The following PARL variants were observed in gnomAD, a reference collection of about 807,000 sequenced individuals.
The protein encoded by PARL is presenilin associated rhomboid like.
A neutral mutation model predicts 51.6 loss-of-function variants in PARL; 44 were observed. That is an observed-to-expected ratio of 0.85 (90% CI 0.67 to 1.10). PARL has a LOEUF of 1.10. Among genes scored for constraint, PARL ranks in the 50% least tolerant of loss-of-function variants. PARL has a pLI of 0.00. For synonymous variants in PARL, 172 were observed against 164.0 expected (o/e 1.05, Z -0.37); for missense variants, 441 against 469.5 (o/e 0.94, Z 0.56).
Position 183,833,505 on chromosome 3 carries a change from C to G in PARL, c.1015G>C (p.Ala339Pro). The G allele has an allele frequency of 1.2e-6, 2 of 1,607,766 alleles. No homozygotes were observed. The highest frequency in any genetic ancestry group is 1.7e-6 in the Non-Finnish European group (2 of 1,174,244). Residue 339 changes from alanine (A) to proline (P), a missense_variant, in exon 9 of 10, where the codon GCT (alanine) becomes CCT (proline). Ala to Pro is a conservative substitution (Grantham distance 27). Transcript: ENST00000317096. ...ACTCAAACTTACATTCCAAAAAGAG[C>G]TCCCCCAAGATGTGCCGCATGATCA... ...FFDHAAHLGG[A>P]LFGIWYVTYG...
downstream of PARL, chr3:183,826,552 G>A: frequency 1.0e-6 from 1 of 956,348 alleles, no homozygotes; most frequent in South Asian, 4.8e-5. Context: ...GCCTGGGAGG[G>A]GACTGCAGCA....
chr3:183,872,293 T>C (rs1434542942), intron 1 of PARL, among the ~76,000 whole-genome samples: 1 of 152,192 alleles, frequency 6.6e-6, no homozygotes, highest in Non-Finnish European at 1.5e-5. Flanking sequence ...TGTGCCACCA[T>C]GCCTGGCCTA....
At chr3:183,875,095 A>C (rs1296942151) in intron 1 of PARL, among the ~76,000 whole-genome samples, 1 of 152,124 alleles carries the variant, frequency 6.6e-6, no homozygotes, top group East Asian at 1.9e-4. Context: ...CTACTGAAGG[A>C]AATTTTAAGT....
At chr3:183,875,531 G>A (rs1382776218) in intron 1 of PARL, among the ~76,000 whole-genome samples, 1 of 151,748 alleles carries the variant, frequency 6.6e-6, no homozygotes, top group African/African-American at 2.4e-5. Flanking sequence ...TTAAGCCACA[G>A]CCAATCTAGA....
chr3:183,881,267 C>T (rs1031561704), intron 1 of PARL, among the ~76,000 whole-genome samples: 3 of 151,656 alleles, frequency 2.0e-5, no homozygotes, highest in Non-Finnish European at 4.4e-5. Flanking sequence ...GATTACAGGC[C>T]CCTGCCACCG....
intron 1 of PARL, 40 bp downstream of exon 1, chr3:183,884,682 G>T: frequency 6.4e-7 from 1 of 1,571,356 alleles, no homozygotes; most frequent in Non-Finnish European, 8.6e-7. Flanking sequence ...CAGAGCTCAG[G>T]GACCAAGAGG....
intron 3 of PARL, among the ~76,000 whole-genome samples, chr3:183,864,905 T>G (rs992980120): frequency 1.1e-5 from 1 of 94,994 alleles, no homozygotes; most frequent in African/African-American, 6.0e-5. Flanking sequence ...CCATATTTCT[T>G]TTTTTTTTTT....
At position 183,867,849 on chromosome 3, in the gene PARL, C is replaced by CA. The variant is rs1037626320; in HGVS notation, c.321+15dup. 11 of 1,589,180 alleles carry CA rather than the reference C, an allele frequency of 6.9e-6. No individual in the cohort carries two copies. In the African/African-American group the frequency reaches 1.5e-4, roughly 21 times the overall value. ...TTCTAGCAAGGTAGGTAACTCCTAG[C>CA]AAAGTGAGCTCTTACCCCAACAGTA... On this transcript the variant is annotated intron_variant, in intron 2 of 9. Coordinates refer to ENST00000317096, the MANE Select transcript of PARL (RefSeq NM_018622.7).
intron 9 of PARL, among the ~76,000 whole-genome samples, chr3:183,831,829 T>C (rs1727974842): frequency 6.6e-6 from 1 of 152,214 alleles, no homozygotes; most frequent in African/African-American, 2.4e-5. Context: ...GACTGAAATC[T>C]AGTAAATGAA....
At chr3:183,856,702 G>C (rs1731221989) in intron 4 of PARL, among the ~76,000 whole-genome samples, 1 of 152,160 alleles carries the variant, frequency 6.6e-6, no homozygotes. Context: ...CCACAAAAAA[G>C]GATTGTTATT....
intron 7 of PARL, 29 bp downstream of exon 7, chr3:183,840,541 T>TA (rs748666707): frequency 2.5e-5 from 28 of 1,115,224 alleles, no homozygotes; most frequent in Non-Finnish European, 3.2e-5. Context: ...AAAATTAAAT[T>TA]AAAAAAAATT....
intron 4 of PARL, among the ~76,000 whole-genome samples, chr3:183,850,964 T>C (rs1730476941): frequency 6.6e-6 from 1 of 152,208 alleles, no homozygotes; most frequent in Non-Finnish European, 1.5e-5. Flanking sequence ...TATAGATCAA[T>C]GGACAGAATT....
chr3:183,866,672 A>C lies in PARL; in HGVS notation c.415T>G (p.Trp139Gly), dbSNP rs762132504. 26 of 1,612,242 alleles carry C rather than the reference A, an allele frequency of 1.6e-5. No homozygotes were observed. The South Asian group carries it at 2.7e-4, about 17-fold the overall frequency. The change falls in exon 3 of 10, where the codon TGG becomes GGG. Residue 139 changes from tryptophan (W) to glycine (G), a missense_variant. Coordinates refer to ENST00000317096, the MANE Select transcript of PARL (RefSeq NM_018622.7). ...TTTTGTGGTCTTATGCTATCCAACC[A>C]ATCAGCTTTTATACCATCAAAATAA... is the stretch of plus-strand genomic sequence containing the variant. ...QSYFDGIKAD[W>G]LDSIRPQKEG...
At chr3:183,860,809 C>T (rs866325741) in intron 4 of PARL, among the ~76,000 whole-genome samples, 47 of 138,528 alleles carry the variant, frequency 3.4e-4, no homozygotes, top group Middle Eastern at 7.7e-3. Flanking sequence ...ATCTTAATTT[C>T]GTTACTTTTT....
At chr3:183,846,511 G>A (rs1577315644) in intron 4 of PARL, 3 of 985,056 alleles carry the variant, frequency 3.0e-6, no homozygotes, top group Non-Finnish European at 3.6e-6. Context: ...AAAAGCGGGG[G>A]GAAAGATAAC....
intron 7 of PARL, among the ~76,000 whole-genome samples, chr3:183,839,921 G>A (rs1729094183): frequency 6.6e-6 from 1 of 151,810 alleles, no homozygotes; most frequent in African/African-American, 2.4e-5. Context: ...TTTTTGTACA[G>A]ATAGGATCTT....
chr3:183,851,666 A>G (rs1256428419), intron 4 of PARL, among the ~76,000 whole-genome samples: 2 of 152,196 alleles, frequency 1.3e-5, no homozygotes, highest in Non-Finnish European at 1.5e-5. Context: ...ATCATATCCA[A>G]TAAGGGATTA....
rs191467929 is a variant in PARL at position 183,868,192 on chromosome 3, T to G, written c.126-132A>C. The G allele has an allele frequency of 6.5e-4, 458 of 707,282 alleles. 1 individual carries two copies. Among genetic ancestry groups the G allele is most frequent in the Non-Finnish European group, 9.4e-4 (378 of 400,354 alleles). 43.8% of individuals were successfully genotyped at this position (707,282 alleles called of 1,614,324 possible). On this transcript the variant is annotated intron_variant, in intron 1 of 9. Transcript: ENST00000317096. Reference sequence around the variant, plus strand: ...TCTACAGTCCAAAAACAGCCAAGACTCCTACTCTCAGACAGAATTCAAAGC... The same window carrying G: ...TCTACAGTCCAAAAACAGCCAAGACGCCTACTCTCAGACAGAATTCAAAGC...
Position 183,884,880 on chromosome 3 carries a change from T to A in PARL, c.-34A>T. 6.9e-6 allele frequency: 11 copies of A among 1,595,508 alleles called. No individual in the cohort carries two copies. Among genetic ancestry groups the A allele is most frequent in the Non-Finnish European group, 8.5e-6 (10 of 1,179,054 alleles). On this transcript the variant is annotated 5_prime_UTR_variant, in exon 1 of 10. Coordinates refer to ENST00000317096, the MANE Select transcript of PARL (RefSeq NM_018622.7). ...CCTCTGCCCCACCATGGCCCGACCT[T>A]ACCAACCCCAGCTGCGCAACTACTT... is the stretch of plus-strand genomic sequence containing the variant.
Sources: gnomAD v4.1 joint callset for allele counts (sites outside exome capture counted in the v4.1 genomes callset) on GRCh38, gnomAD v4.1.1 for gene constraint, MANE v1.5 for transcripts, NCBI Gene and HGNC (gene_info 2026-07-23, HGNC 2026-07-21) for gene names.